The following COL24A1 variants were observed in gnomAD, a reference collection of about 807,000 sequenced individuals.
The protein encoded by COL24A1 is collagen alpha-1(XXIV) chain.
In COL24A1, 224 loss-of-function variants were observed where a neutral mutation model predicts 253.9. That is an observed-to-expected ratio of 0.88 (90% CI 0.79 to 0.99). The LOEUF is 0.99. COL24A1 is among the 50% of genes least tolerant of loss of function. The pLI, the probability that COL24A1 is intolerant of heterozygous loss-of-function variation, is 0.00. For synonymous variants in COL24A1, 685 were observed against 673.7 expected (o/e 1.02, Z -0.26); for missense variants, 2,131 against 2,068.5 (o/e 1.03, Z -0.59).
intron 19 of COL24A1, among the ~76,000 whole-genome samples, chr1:86,014,889 C>A (rs1696856146): frequency 6.6e-6 from 1 of 152,136 alleles, no homozygotes; most frequent in Non-Finnish European, 1.5e-5. Context: ...TCTCTTTTAT[C>A]CTTCCCCCTG....
chr1:85,758,308 G>A (rs1666484078), intron 55 of COL24A1, among the ~76,000 whole-genome samples: 1 of 151,976 alleles, frequency 6.6e-6, no homozygotes, highest in Admixed American at 6.6e-5. Context: ...ACCAATCCAG[G>A]TTCTACAGTT....
intron 46 of COL24A1, 151 bp from the exon 47 acceptor site, chr1:85,817,046 C>A: frequency 3.3e-6 from 2 of 610,906 alleles, no homozygotes; most frequent in Non-Finnish European, 5.6e-6. Flanking sequence ...TAATGATTTA[C>A]TATTTGGATT....
chr1:85,768,525 G>A (rs1667610970), intron 53 of COL24A1, among the ~76,000 whole-genome samples: 1 of 148,410 alleles, frequency 6.7e-6, no homozygotes, highest in East Asian at 2.1e-4. Flanking sequence ...AGGATTTACA[G>A]CTGATGGGAA....
intron 5 of COL24A1, among the ~76,000 whole-genome samples, chr1:86,097,487 C>CCT (rs1257940350): frequency 2.1e-5 from 1 of 47,408 alleles, no homozygotes; most frequent in Non-Finnish European, 4.5e-5. Flanking sequence ...CCTCCTCCTC[C>CCT]TCCCTCCTCC....
At chr1:85,858,633 T>C (rs1025122223) in intron 37 of COL24A1, among the ~76,000 whole-genome samples, 10 of 124,326 alleles carry the variant, frequency 8.0e-5, no homozygotes, top group African/African-American at 3.7e-4. Context: ...CCTTCCTTCC[T>C]TCCTTCCTTC....
intron 19 of COL24A1, among the ~76,000 whole-genome samples, chr1:86,001,471 GTCATCCA>G (rs2101054833): frequency 6.6e-6 from 1 of 152,292 alleles, no homozygotes; most frequent in African/African-American, 2.4e-5. Flanking sequence ...AAAGTTTCTA[GTCATCCA>G]TAAGTTTTTC....
intron 52 of COL24A1, among the ~76,000 whole-genome samples, chr1:85,778,752 G>T (rs1668857826): frequency 6.6e-6 from 1 of 151,812 alleles, no homozygotes; most frequent in Admixed American, 6.6e-5. Flanking sequence ...TTACTGGCAT[G>T]TACCGCCACA....
At chr1:86,092,879 T>C (rs1462216225) in intron 5 of COL24A1, among the ~76,000 whole-genome samples, 1 of 152,034 alleles carries the variant, frequency 6.6e-6, no homozygotes, top group East Asian at 1.9e-4. Flanking sequence ...TGGGGATCTT[T>C]ATCTTTTACA....
chr1:85,843,114 A>T (rs1344932459), intron 39 of COL24A1, among the ~76,000 whole-genome samples: 1 of 152,184 alleles, frequency 6.6e-6, no homozygotes, highest in Non-Finnish European at 1.5e-5. Flanking sequence ...CAAATAGAAG[A>T]TGGGAAAATT....
chr1:85,808,679 G>A (rs1036312726), intron 47 of COL24A1, among the ~76,000 whole-genome samples: 10 of 152,216 alleles, frequency 6.6e-5, no homozygotes, highest in African/African-American at 2.4e-4. Flanking sequence ...CCCTAAAGGT[G>A]TACCAGAGGA....
At chr1:85,902,210 G>C (rs1296237029) in intron 28 of COL24A1, among the ~76,000 whole-genome samples, 3 of 152,160 alleles carry the variant, frequency 2.0e-5, no homozygotes, top group African/African-American at 7.2e-5. Context: ...GAGCTGATCT[G>C]TCTCCTTCTG....
intron 41 of COL24A1, among the ~76,000 whole-genome samples, chr1:85,841,621 G>A (rs994721868): frequency 6.6e-6 from 1 of 152,018 alleles, no homozygotes; most frequent in South Asian, 2.1e-4. Flanking sequence ...AGCCAGGTGC[G>A]GTGGTACTCA....
intron 32 of COL24A1, 133 bp from the exon 33 acceptor site, chr1:85,877,308 A>G: frequency 1.7e-6 from 1 of 596,312 alleles, no homozygotes; most frequent in Non-Finnish European, 2.8e-6. Context: ...ATTTATCAGC[A>G]TATTACTTTA....
At chr1:86,139,132 G>A (rs55740735) in intron 2 of COL24A1, among the ~76,000 whole-genome samples, 27,076 of 146,060 alleles carry the variant, frequency 0.19, 2,515 homozygotes, top group South Asian at 0.29. Context: ...CAGCACTGAT[G>A]TTGTTATCAC....
chr1:85,745,930 G>A (rs1483417706), intron 55 of COL24A1, among the ~76,000 whole-genome samples: 1 of 152,138 alleles, frequency 6.6e-6, no homozygotes, highest in African/African-American at 2.4e-5. Flanking sequence ...CTGTCCTGAG[G>A]TAGTCACCAC....
At chr1:85,847,569 T>G in intron 39 of COL24A1, 96 bp downstream of exon 39, 1 of 804,160 alleles carries the variant, frequency 1.2e-6, no homozygotes, top group Non-Finnish European at 2.1e-6. Context: ...TATTGCTTTG[T>G]CTGTAAAGCT....
intron 7 of COL24A1, among the ~76,000 whole-genome samples, chr1:86,087,469 C>T (rs1244274907): frequency 6.6e-6 from 1 of 152,108 alleles, no homozygotes; most frequent in African/African-American, 2.4e-5. Flanking sequence ...ATAATATTTA[C>T]TCCCAGAGAC....
intron 22 of COL24A1, 150 bp from the exon 23 acceptor site, chr1:85,965,212 C>T (rs1189704837): frequency 7.8e-6 from 5 of 642,132 alleles, no homozygotes; most frequent in Non-Finnish European, 1.3e-5. Context: ...TACTCATTTG[C>T]CATTCATTCT....
intron 43 of COL24A1, among the ~76,000 whole-genome samples, chr1:85,836,044 A>C (rs893266960): frequency 6.6e-5 from 10 of 152,170 alleles, no homozygotes; most frequent in African/African-American, 2.4e-4. Flanking sequence ...GAATAATCTG[A>C]ATGAACAGTC....
Sources: gnomAD v4.1 joint callset for allele counts (sites outside exome capture counted in the v4.1 genomes callset) on GRCh38, gnomAD v4.1.1 for gene constraint, MANE v1.5 for transcripts, NCBI Gene and HGNC (gene_info 2026-07-23, HGNC 2026-07-21) for gene names.